EBF2: variants seen among roughly 807,000 people sequenced by gnomAD.
The protein encoded by EBF2 is transcription factor COE2.
EBF2 carries 21 observed loss-of-function variants against 72.8 expected under a neutral mutation model. The observed-to-expected ratio is 0.29, with a 90% CI of 0.20 to 0.42. EBF2 has a LOEUF of 0.42. Among genes scored for constraint, EBF2 ranks in the 10% least tolerant of loss-of-function variants. EBF2 has a pLI of 1.00. For missense variants in EBF2, 637 were observed against 731.2 expected (o/e 0.87, Z 1.49); for synonymous variants, 299 against 274.2 (o/e 1.09, Z -0.89).
rs770227035 is a variant in EBF2, at chr8:25,908,466, C to A, written c.633+8G>T. On this transcript the variant is annotated splice_region_variant and intron_variant, in intron 7 of 15. Coordinates refer to ENST00000520164, the MANE Select transcript of EBF2 (RefSeq NM_022659.4). ...TATTTAACAGGAAAGATCTGCAGGG[C>A]CCCTTACCTGAAACCGTCTCATGTC... is the stretch of plus-strand genomic sequence containing the variant. 4.4e-6 allele frequency: 7 copies of A among 1,603,948 alleles called. No individual in the cohort carries two copies. Among genetic ancestry groups the A allele is most frequent in the Non-Finnish European group, 6.0e-6 (7 of 1,171,830 alleles).
chr8:26,027,364 G>T (rs1186094499), intron 6 of EBF2, among the ~76,000 whole-genome samples: 1 of 151,958 alleles, frequency 6.6e-6, no homozygotes. Flanking sequence ...AGCAGGAGAA[G>T]GGCCAATGAC....
chr8:25,948,392 C>T (rs1022381360), intron 6 of EBF2, among the ~76,000 whole-genome samples: 41 of 152,288 alleles, frequency 2.7e-4, no homozygotes, highest in Middle Eastern at 3.4e-3. Context: ...TCCAGATGCC[C>T]CTCAGATCCA....
intron 8 of EBF2, among the ~76,000 whole-genome samples, chr8:25,889,089 C>T (rs1377749717): frequency 6.6e-6 from 1 of 152,140 alleles, no homozygotes; most frequent in Non-Finnish European, 1.5e-5. Context: ...TATAACAAAA[C>T]ATCACACTAA....
At chr8:26,007,371 G>A (rs1053688276) in intron 6 of EBF2, among the ~76,000 whole-genome samples, 3 of 152,032 alleles carry the variant, frequency 2.0e-5, no homozygotes, top group African/African-American at 2.4e-5. Flanking sequence ...CTTTGGTATC[G>A]GGTCCCACTG....
chr8:25,913,019 T>C (rs1456107386), intron 6 of EBF2, among the ~76,000 whole-genome samples: 1 of 152,172 alleles, frequency 6.6e-6, no homozygotes, highest in Non-Finnish European at 1.5e-5. Context: ...TGCCAGACTC[T>C]GGAATTCTCA....
chr8:26,031,670 A>G, intron 6 of EBF2: 1 of 151,916 alleles, frequency 6.6e-6, no homozygotes, highest in East Asian at 1.9e-4. Flanking sequence ...CCCCGACCTC[A>G]AGTGATCTGC....
intron 15 of EBF2, among the ~76,000 whole-genome samples, chr8:25,850,254 A>G (rs990046895): frequency 1.3e-5 from 2 of 152,182 alleles, no homozygotes; most frequent in Non-Finnish European, 2.9e-5. Flanking sequence ...CTAGGATTAC[A>G]GGCACCCACA....
At chr8:25,875,250 A>C (rs1426397451) in intron 10 of EBF2, among the ~76,000 whole-genome samples, 1 of 152,222 alleles carries the variant, frequency 6.6e-6, no homozygotes, top group Non-Finnish European at 1.5e-5. Context: ...TGCTTACAAC[A>C]GTGAATTGTG....
intron 6 of EBF2, among the ~76,000 whole-genome samples, chr8:25,965,240 G>A (rs545967954): frequency 6.6e-6 from 1 of 152,160 alleles, no homozygotes; most frequent in Non-Finnish European, 1.5e-5. Context: ...TCCCAAAAGA[G>A]CAATGTTTAC....
chr8:25,863,079 T>C (rs974673882), intron 10 of EBF2, among the ~76,000 whole-genome samples: 6 of 152,146 alleles, frequency 3.9e-5, no homozygotes, highest in African/African-American at 1.4e-4. Flanking sequence ...TAAGCAACCA[T>C]ATCTCAATTT....
At chr8:25,907,921 T>G (rs1290825129) in intron 7 of EBF2, among the ~76,000 whole-genome samples, 1 of 152,126 alleles carries the variant, frequency 6.6e-6, no homozygotes, top group African/African-American at 2.4e-5. Context: ...GTCTCCTCAG[T>G]ACATCAGTGG....
rs191305815 is a variant in EBF2, at chr8:26,044,370, C to T, written c.131+359G>A. ...TTTCCTCCCGCGCCGCCACTGCCAG[C>T]GCCGGTGTTCACGCTCCGTTCGGGG... On this transcript the variant is annotated intron_variant, in intron 1 of 15. Transcript: ENST00000520164. This position sits in a 1 kb window ranked among gnomAD's most constrained non-coding sequence, Gnocchi z 4.1. 6.6e-6 allele frequency among the ~76,000 whole-genome samples: 1 copy of T among 152,274 alleles called. No homozygotes were observed. Among genetic ancestry groups the T allele is most frequent in the Non-Finnish European group, 1.5e-5 (1 of 68,050 alleles).
intron 6 of EBF2, among the ~76,000 whole-genome samples, chr8:26,017,216 C>T (rs935973233): frequency 6.6e-6 from 1 of 151,734 alleles, no homozygotes; most frequent in African/African-American, 2.4e-5. Flanking sequence ...TCATGTTGAC[C>T]TCAAAGTGAA....
chr8:25,990,498 T>A (rs993157913), intron 6 of EBF2, among the ~76,000 whole-genome samples: 11 of 152,192 alleles, frequency 7.2e-5, no homozygotes, highest in Non-Finnish European at 1.6e-4. Flanking sequence ...TCTACAACTG[T>A]GCTGTAAGAA....
chr8:25,896,868 T>C (rs1203091045), intron 7 of EBF2, among the ~76,000 whole-genome samples: 2 of 152,232 alleles, frequency 1.3e-5, no homozygotes, highest in Non-Finnish European at 2.9e-5. Flanking sequence ...TACTGCAGTT[T>C]GTTCTGCCCT....
At chr8:25,902,942 G>A (rs1251078202) in intron 7 of EBF2, among the ~76,000 whole-genome samples, 2 of 152,184 alleles carry the variant, frequency 1.3e-5, no homozygotes, top group Admixed American at 1.3e-4. Context: ...AGAACTTCTG[G>A]GACAGGCATG....
At chr8:26,026,411 A>G (rs1169854709) in intron 6 of EBF2, among the ~76,000 whole-genome samples, 1 of 152,208 alleles carries the variant, frequency 6.6e-6, no homozygotes, top group Non-Finnish European at 1.5e-5. Flanking sequence ...CCATGAACCC[A>G]AAGCACTTCA....
chr8:25,942,131 C>T (rs4368988), intron 6 of EBF2, among the ~76,000 whole-genome samples: 2,426 of 152,190 alleles, frequency 0.016, 60 homozygotes, highest in African/African-American at 0.056. Flanking sequence ...CAGAGAGCAC[C>T]GGAAACACGC....
At chr8:25,905,205 G>A (rs1273915222) in intron 7 of EBF2, among the ~76,000 whole-genome samples, 13 of 152,196 alleles carry the variant, frequency 8.5e-5, no homozygotes, top group African/African-American at 2.2e-4. Context: ...CCCAAGTGTT[G>A]GCGAGGAATT....
Sources: allele counts gnomAD v4.1 joint callset (sites outside exome capture counted in the v4.1 genomes callset), GRCh38; gene constraint gnomAD v4.1.1; non-coding constraint Gnocchi (gnomAD v3.1); transcripts MANE v1.5; gene names NCBI Gene and HGNC (gene_info 2026-07-23, HGNC 2026-07-21).